The following INO80 variants were observed in gnomAD, a reference collection of about 807,000 sequenced individuals.
INO80 encodes INO80 complex ATPase subunit, also known as chromatin-remodeling ATPase INO80.
In INO80, 20 loss-of-function variants were observed where a neutral mutation model predicts 203.4. That is an observed-to-expected ratio of 0.10 (90% confidence interval 0.07 to 0.14). The LOEUF is 0.14. Among genes scored for constraint, INO80 ranks in the 10% least tolerant of loss-of-function variants. The probability of loss-of-function intolerance (pLI) is 1.00; values close to 1 mark genes in which losing one functional copy is unlikely to be tolerated. For synonymous variants in INO80, 726 were observed against 685.2 expected (o/e 1.06, Z -0.93); for missense variants, 1,419 against 1,914.4 (o/e 0.74, Z 4.83).
rs898279179 is a variant in INO80, at chr15:40,979,170, G to A, written c.*1053C>T. Reference sequence around the variant, plus strand: ...AAACTCAATTCCGCGATTTTCAGGTGTGCAAATCAGAGGCTTGCCCGCCCG... The same window carrying A: ...AAACTCAATTCCGCGATTTTCAGGTATGCAAATCAGAGGCTTGCCCGCCCG... On this transcript the variant is annotated 3_prime_UTR_variant, in exon 36 of 36. Transcript: ENST00000648947. 3 of 152,608 alleles carry A rather than the reference G, an allele frequency of 2.0e-5. No homozygotes were observed. Among genetic ancestry groups the A allele is most frequent in the African/African-American group, 7.2e-5 (3 of 41,434 alleles). 9.5% of individuals were successfully genotyped at this position (152,608 alleles called of 1,614,324 possible).
chr15:41,031,997 G>GCACA (rs2044487789), intron 24 of INO80, among the ~76,000 whole-genome samples: 16 of 90,690 alleles, frequency 1.8e-4, no homozygotes, highest in African/African-American at 5.5e-4. Flanking sequence ...GCACAGCACA[G>GCACA]GACAGCACAG....
chr15:41,102,767 A>G (rs938453988), intron 1 of INO80, among the ~76,000 whole-genome samples: 4 of 152,226 alleles, frequency 2.6e-5, no homozygotes, highest in African/African-American at 9.6e-5. Context: ...ACCACTGTTT[A>G]TCAGAATGAA....
intron 27 of INO80, among the ~76,000 whole-genome samples, chr15:41,007,180 T>C (rs925161037): frequency 4.4e-5 from 5 of 114,272 alleles, no homozygotes; most frequent in Admixed American, 8.4e-5. Flanking sequence ...TTTTTTTTTT[T>C]TCTTTTTTTT....
chr15:41,077,592 T>C (rs1194394194), intron 9 of INO80, among the ~76,000 whole-genome samples: 1 of 152,092 alleles, frequency 6.6e-6, no homozygotes, highest in African/African-American at 2.4e-5. Context: ...GATGGTATCT[T>C]ACTCTGTCAC....
intron 5 of INO80, among the ~76,000 whole-genome samples, chr15:41,089,963 A>T (rs1437137035): frequency 6.6e-6 from 1 of 152,182 alleles, no homozygotes; most frequent in Non-Finnish European, 1.5e-5. Flanking sequence ...ATGACCCAGC[A>T]ATTTCACTGT....
Position 41,069,678 on chromosome 15 carries a change from A to G in INO80, c.1687-13T>C. On this transcript the variant is annotated splice_polypyrimidine_tract_variant and intron_variant, in intron 13 of 35. Transcript: ENST00000648947. ...AAATGTTCTCTCTCTGCAACAGAAA[A>G]ACCCAGTCAGCCAACTACAGGAAAA... 1 of 1,530,696 alleles carries G rather than the reference A, an allele frequency of 6.5e-7. No homozygotes were observed. The highest frequency in any genetic ancestry group is 9.0e-7 in the Non-Finnish European group (1 of 1,112,496). The allele number at this position is 1,530,696 out of a possible 1,614,324, so 94.8% of individuals were successfully genotyped here. A position where few individuals can be genotyped will look rare whatever the true frequency, so the allele number is the denominator to read the frequency against.
At chr15:41,105,530 T>C (rs902650523) in intron 1 of INO80, among the ~76,000 whole-genome samples, 7 of 152,250 alleles carry the variant, frequency 4.6e-5, no homozygotes, top group African/African-American at 1.7e-4. Flanking sequence ...TGCGCCAAGA[T>C]TGGAATCCAA....
At chr15:41,091,798 C>T (rs935870352) in intron 5 of INO80, among the ~76,000 whole-genome samples, 7 of 151,742 alleles carry the variant, frequency 4.6e-5, no homozygotes, top group East Asian at 3.9e-4. Flanking sequence ...GGACTACAGG[C>T]GCACGCCACC....
At chr15:41,074,661 A>C in intron 9 of INO80, 96 bp from the exon 10 acceptor site, 1 of 801,470 alleles carries the variant, frequency 1.2e-6, no homozygotes, top group Non-Finnish European at 1.9e-6. Context: ...CAATTCCTTT[A>C]CCAACTGTTT....
At chr15:41,001,041 G>A (rs1408961550) in intron 28 of INO80, among the ~76,000 whole-genome samples, 6 of 152,250 alleles carry the variant, frequency 3.9e-5, no homozygotes, top group South Asian at 2.1e-4. Context: ...AGTTCCTACC[G>A]TGGACTATAC....
intron 11 of INO80, 148 bp from the exon 12 acceptor site, chr15:41,072,206 A>G: frequency 1.8e-6 from 1 of 547,328 alleles, no homozygotes; most frequent in Non-Finnish European, 3.2e-6. Flanking sequence ...ATAACGTAGT[A>G]TCATATGACA....
intron 28 of INO80, among the ~76,000 whole-genome samples, chr15:41,003,074 C>A (rs2043983298): frequency 6.6e-6 from 1 of 151,930 alleles, no homozygotes. Flanking sequence ...GAGCCAAGAT[C>A]ACGCCACTGC....
intron 28 of INO80, among the ~76,000 whole-genome samples, chr15:41,003,770 G>A (rs2043999050): frequency 6.6e-6 from 1 of 152,108 alleles, no homozygotes; most frequent in South Asian, 2.1e-4. Context: ...AAATATACTA[G>A]TGGAAAATAA....
At chr15:41,056,836 T>C (rs1013261966) in intron 16 of INO80, 130 bp from the exon 17 acceptor site, 4 of 677,928 alleles carry the variant, frequency 5.9e-6, no homozygotes, top group African/African-American at 1.8e-5. Context: ...CCATCATGTA[T>C]TCAACTGAAA....
intron 5 of INO80, among the ~76,000 whole-genome samples, chr15:41,090,972 A>T (rs1406695413): frequency 6.8e-6 from 1 of 146,888 alleles, no homozygotes; most frequent in Non-Finnish European, 1.5e-5. Flanking sequence ...TCACCCAGGC[A>T]AGAGTGCAGT....
chr15:40,997,833 T>C lies in INO80; in HGVS notation c.3498-232A>G, dbSNP rs998981133. 9.9e-6 allele frequency: 4 copies of C among 403,196 alleles called. No homozygotes were observed. In the Admixed American group the frequency reaches 1.5e-4, roughly 15 times the overall value. The allele number at this position is 403,196 out of a possible 1,614,324, so 25.0% of individuals were successfully genotyped here. A position where few individuals can be genotyped will look rare whatever the true frequency, so the allele number is the denominator to read the frequency against. On this transcript the variant is annotated intron_variant, in intron 28 of 35. Coordinates refer to ENST00000648947, the MANE Select transcript of INO80 (RefSeq NM_017553.3). ...CAGATAAACTTTTGCTGCCCACTAA[T>C]AGATGACTGATAGGCAACACAAGTA...
chr15:40,982,558 A>G (rs1596229651), intron 35 of INO80, among the ~76,000 whole-genome samples: 2 of 152,346 alleles, frequency 1.3e-5, no homozygotes, highest in South Asian at 4.1e-4. Flanking sequence ...TGTGGATCTC[A>G]GAAATGAAAG....
chr15:41,076,422 C>T (rs2045403574), intron 9 of INO80, among the ~76,000 whole-genome samples: 1 of 150,532 alleles, frequency 6.6e-6, no homozygotes, highest in African/African-American at 2.4e-5. Context: ...ATAATAGCTA[C>T]AAAAAACGAA....
At chr15:41,035,527 A>G in intron 24 of INO80, among the ~76,000 whole-genome samples, 1 of 137,808 alleles carries the variant, frequency 7.3e-6, no homozygotes, top group South Asian at 2.3e-4. Context: ...CTACATCTCT[A>G]AAAAAAAAAA....
Sources: allele counts gnomAD v4.1 joint callset (sites outside exome capture counted in the v4.1 genomes callset), GRCh38; gene constraint gnomAD v4.1.1; transcripts MANE v1.5; gene names NCBI Gene and HGNC (gene_info 2026-07-23, HGNC 2026-07-21).